The following ZFAND3 variants were observed in gnomAD, a reference collection of about 807,000 sequenced individuals.
The protein encoded by ZFAND3 is AN1-type zinc finger protein 3.
A neutral mutation model predicts 29.6 loss-of-function variants in ZFAND3; 10 were observed. That is an observed-to-expected ratio of 0.34 (90% CI 0.21 to 0.57). The LOEUF (loss-of-function observed/expected upper bound fraction) is 0.57. ZFAND3 is among the 20% of genes least tolerant of loss of function. The pLI, the probability that ZFAND3 is intolerant of heterozygous loss-of-function variation, is 0.86. For synonymous variants in ZFAND3, 128 were observed against 112.6 expected, an observed-to-expected ratio of 1.14 and a Z score of -0.87; for missense variants, 230 against 304.5, an observed-to-expected ratio of 0.76 and a Z score of 1.82.
intron 3 of ZFAND3, among the ~76,000 whole-genome samples, chr6:38,080,745 A>G (rs1581900422): frequency 6.6e-6 from 1 of 152,274 alleles, no homozygotes; most frequent in Non-Finnish European, 1.5e-5. Context: ...AAGTTACAGC[A>G]TTTTATGGAG....
intron 3 of ZFAND3, among the ~76,000 whole-genome samples, chr6:38,074,004 T>C (rs1044686630): frequency 2.6e-5 from 4 of 152,170 alleles, no homozygotes; most frequent in Non-Finnish European, 4.4e-5. Context: ...AGTACATCAG[T>C]TGGTTTCTGC....
intron 3 of ZFAND3, among the ~76,000 whole-genome samples, chr6:38,080,409 T>C (rs1210288702): frequency 6.6e-6 from 1 of 152,086 alleles, no homozygotes. Context: ...TATGTAGCAA[T>C]GACCCAACAG....
chr6:38,041,681 T>TCTTCTC (rs1561976778), intron 2 of ZFAND3, among the ~76,000 whole-genome samples: 2 of 13,738 alleles, frequency 1.5e-4, no homozygotes. Context: ...TTCTTCTTCT[T>TCTTCTC]CTTCTCCTTC....
At chr6:37,948,887 T>G (rs547465318) in intron 2 of ZFAND3, among the ~76,000 whole-genome samples, 1 of 152,338 alleles carries the variant, frequency 6.6e-6, no homozygotes, top group African/African-American at 2.4e-5. Context: ...TCCATGTCTT[T>G]GCTATTATGA....
intron 4 of ZFAND3, among the ~76,000 whole-genome samples, chr6:38,114,709 A>G (rs1765384210): frequency 6.6e-6 from 1 of 152,088 alleles, no homozygotes; most frequent in Admixed American, 6.5e-5. Context: ...TTCCTCACAC[A>G]CAGGGAGGCT....
chr6:37,882,278 G>A (rs1424361902), intron 1 of ZFAND3, among the ~76,000 whole-genome samples: 1 of 152,148 alleles, frequency 6.6e-6, no homozygotes, highest in Non-Finnish European at 1.5e-5. Context: ...GTATGAGGTA[G>A]ACCACACGAA....
chr6:38,023,111 C>G (rs190102434), intron 2 of ZFAND3, among the ~76,000 whole-genome samples: 31 of 152,296 alleles, frequency 2.0e-4, no homozygotes, highest in Non-Finnish European at 2.1e-4. Flanking sequence ...TTTGGTAATA[C>G]CTTTCAATAC....
In ZFAND3 at chr6:37,965,437, GTT is replaced by G. The variant is rs1246794589; in HGVS notation, c.112+35439_112+35440del. ...AAAATACCCCAACCATTTCTATAAG[GTT>G]AATAGCGAGTAGCCGGGAGTTCATA... On this transcript the variant is annotated intron_variant, in intron 2 of 5. Coordinates refer to ENST00000287218, the MANE Select transcript of ZFAND3 (RefSeq NM_021943.3). 2.0e-5 allele frequency among the ~76,000 whole-genome samples: 3 copies of G among 152,092 alleles called. No homozygotes were observed. The East Asian group carries it at 5.8e-4, about 29-fold the overall frequency.
intron 2 of ZFAND3, among the ~76,000 whole-genome samples, chr6:38,029,706 G>A (rs966380210): frequency 6.6e-6 from 1 of 152,154 alleles, no homozygotes; most frequent in Non-Finnish European, 1.5e-5. Flanking sequence ...TGAAAAATAT[G>A]TGTAACCTTT....
intron 2 of ZFAND3, among the ~76,000 whole-genome samples, chr6:37,949,250 T>C (rs1451471021): frequency 6.6e-6 from 1 of 152,206 alleles, no homozygotes; most frequent in Non-Finnish European, 1.5e-5. Context: ...GCCACATATT[T>C]GTCTTTTGAG....
Position 38,152,549 on chromosome 6 carries a change from TG to T in ZFAND3, c.*161del. 7.7e-7 allele frequency: 1 copy of T among 1,292,774 alleles called. No homozygotes were observed. The highest frequency in any genetic ancestry group is 9.8e-7 in the Non-Finnish European group (1 of 1,020,672). The allele number at this position is 1,292,774 out of a possible 1,614,324, so 80.1% of individuals were successfully genotyped here. A position where few individuals can be genotyped will look rare whatever the true frequency, so the allele number is the denominator to read the frequency against. On this transcript the variant is annotated 3_prime_UTR_variant, in exon 6 of 6. Transcript: ENST00000287218. ...CATCCTGGTACTGTAGTTTAGGGGT[TG>T]ATGGTGGTTGAAATTGATTTCTGGC...
intron 2 of ZFAND3, among the ~76,000 whole-genome samples, chr6:38,008,736 T>G (rs1581835065): frequency 6.6e-6 from 1 of 152,252 alleles, no homozygotes; most frequent in South Asian, 2.1e-4. Flanking sequence ...TACGCAGGAT[T>G]GTTTTACTGT....
intron 2 of ZFAND3, among the ~76,000 whole-genome samples, chr6:37,970,589 C>T (rs1337129677): frequency 3.9e-5 from 6 of 152,078 alleles, no homozygotes; most frequent in Admixed American, 2.0e-4. Flanking sequence ...AATGGAGTCT[C>T]CCCGTGATTT....
At chr6:38,033,861 C>T (rs1763609651) in intron 2 of ZFAND3, among the ~76,000 whole-genome samples, 1 of 152,060 alleles carries the variant, frequency 6.6e-6, no homozygotes, top group South Asian at 2.1e-4. Flanking sequence ...TATTTAATGG[C>T]ACTTGGCAAA....
chr6:38,095,224 C>T (rs1764953346), intron 4 of ZFAND3, among the ~76,000 whole-genome samples: 1 of 152,114 alleles, frequency 6.6e-6, no homozygotes, highest in African/African-American at 2.4e-5. Context: ...AGCAAGCTTT[C>T]ATTTACTTTT....
At chr6:37,904,959 A>G (rs1372996893) in intron 1 of ZFAND3, among the ~76,000 whole-genome samples, 1 of 152,188 alleles carries the variant, frequency 6.6e-6, no homozygotes, top group Non-Finnish European at 1.5e-5. Flanking sequence ...TAATACATTT[A>G]TGTGTATGAG....
intron 5 of ZFAND3, among the ~76,000 whole-genome samples, chr6:38,136,658 G>A (rs1488892141): frequency 2.0e-5 from 3 of 152,188 alleles, no homozygotes; most frequent in Admixed American, 1.3e-4. Context: ...GGGTCCTGTG[G>A]GTCCAGGAGA....
chr6:37,945,674 C>T (rs899393985), intron 2 of ZFAND3, among the ~76,000 whole-genome samples: 12 of 152,096 alleles, frequency 7.9e-5, no homozygotes, highest in African/African-American at 4.8e-5. Context: ...GGCACCCGGC[C>T]GACATAGTCT....
chr6:37,911,417 T>G (rs925521633), intron 1 of ZFAND3, among the ~76,000 whole-genome samples: 1 of 152,236 alleles, frequency 6.6e-6, no homozygotes, highest in African/African-American at 2.4e-5. Context: ...TGAGTTGAGC[T>G]CCTTGTATAT....
Sources: gnomAD v4.1 joint callset for allele counts (sites outside exome capture counted in the v4.1 genomes callset) on GRCh38, gnomAD v4.1.1 for gene constraint, MANE v1.5 for transcripts, NCBI Gene and HGNC (gene_info 2026-07-23, HGNC 2026-07-21) for gene names.